Variants in STK32B observed in about 807,000 individuals in gnomAD.
The protein encoded by STK32B is serine/threonine-protein kinase 32B.
A neutral mutation model predicts 52.6 loss-of-function variants in STK32B; 43 were observed. The observed-to-expected ratio is 0.82, with a 90% CI of 0.64 to 1.05. STK32B has a LOEUF of 1.05. Among genes scored for constraint, STK32B ranks in the 50% least tolerant of loss-of-function variants. STK32B has a pLI of 0.00. For missense variants in STK32B, 621 were observed against 534.6 expected, an observed-to-expected ratio of 1.16 and a Z score of -1.59; for synonymous variants, 238 against 204.3, an observed-to-expected ratio of 1.17 and a Z score of -1.41.
intron 3 of STK32B, among the ~76,000 whole-genome samples, chr4:5,267,910 T>C (rs548364683): frequency 1.3e-5 from 2 of 152,230 alleles, no homozygotes; most frequent in Admixed American, 1.3e-4. Context: ...TGCCTCTCTT[T>C]GGGGGATAGA....
chr4:5,047,224 AAACT>A (rs1200134641), upstream of STK32B, among the ~76,000 whole-genome samples: 13 of 152,174 alleles, frequency 8.5e-5, no homozygotes, highest in African/African-American at 3.1e-4. Context: ...CATTCTCAGC[AAACT>A]AACACAGAAA....
Position 5,380,301 on chromosome 4 carries a change from C to T in STK32B, c.435-17906C>T, listed in dbSNP as rs1457379189. ...CCCTGATCTATTTAATCCAGGCCCT[C>T]GCTTCCCTCCCAGCCCTCCTCCCGA... On this transcript the variant is annotated intron_variant, in intron 4 of 11. Coordinates refer to ENST00000282908, the MANE Select transcript of STK32B (RefSeq NM_018401.3). The surrounding 1 kb of genome is among the most constrained non-coding windows in gnomAD (Gnocchi z 4.3). 4.6e-5 allele frequency among the ~76,000 whole-genome samples: 7 copies of T among 152,148 alleles called. No homozygotes were observed. Among genetic ancestry groups the T allele is most frequent in the Non-Finnish European group, 2.9e-5 (2 of 68,036 alleles).
chr4:5,285,614 C>A (rs971508356), intron 3 of STK32B, among the ~76,000 whole-genome samples: 39 of 152,136 alleles, frequency 2.6e-4, no homozygotes, highest in African/African-American at 9.2e-4. Context: ...CTTGTATGCT[C>A]CTCACATAAA....
intron 1 of STK32B, among the ~76,000 whole-genome samples, chr4:5,054,554 A>G (rs10937617): frequency 0.25 from 37,885 of 151,178 alleles, 5,022 homozygotes; most frequent in East Asian, 0.49. Flanking sequence ...ATTGTGGAGT[A>G]TGAAGCTGAA....
In STK32B at chr4:5,456,890, G is replaced by A. The variant is rs775736346; in HGVS notation, c.750G>A (p.Thr250=). 2.6e-5 allele frequency: 42 copies of A among 1,589,230 alleles called. No homozygotes were observed. In the Middle Eastern group the frequency reaches 2.5e-3, roughly 95 times the overall value. ...FKVERVHYSS[T]WCKGMVALLR... Reference sequence around the variant, plus strand: ...TGGAGCGTGTCCACTACTCCTCCACGTGGTGCAAGGGGATGGTGGCCCTGC... The same window carrying A: ...TGGAGCGTGTCCACTACTCCTCCACATGGTGCAAGGGGATGGTGGCCCTGC... Residue 250 remains threonine (T), a synonymous_variant, in exon 8 of 12, where the codon ACG becomes ACA. Transcript: ENST00000282908.
the STK32B span, among the ~76,000 whole-genome samples, chr4:5,040,541 G>C: frequency 6.6e-6 from 1 of 152,022 alleles, no homozygotes; most frequent in Non-Finnish European, 1.5e-5. Context: ...TTACAGATGA[G>C]TGCCACCATG....
At chr4:5,282,171 A>G (rs1018806570) in intron 3 of STK32B, among the ~76,000 whole-genome samples, 2 of 152,178 alleles carry the variant, frequency 1.3e-5, no homozygotes, top group African/African-American at 4.8e-5. Flanking sequence ...GATGCATTCC[A>G]AAACCCCTAG....
intron 4 of STK32B, among the ~76,000 whole-genome samples, chr4:5,355,752 G>A (rs551626759): frequency 2.8e-4 from 43 of 152,090 alleles, no homozygotes; most frequent in Non-Finnish European, 5.0e-4. Context: ...ATCACCCCTG[G>A]AGGAGAATCA....
At chr4:5,485,371 T>C (rs548347532) in intron 11 of STK32B, among the ~76,000 whole-genome samples, 1 of 152,204 alleles carries the variant, frequency 6.6e-6, no homozygotes, top group Non-Finnish European at 1.5e-5. Context: ...TTCTTCCAGT[T>C]GATCGAATCG....
chr4:5,108,732 G>C, intron 1 of STK32B, among the ~76,000 whole-genome samples: 1 of 152,146 alleles, frequency 6.6e-6, no homozygotes. Context: ...CATTCCACCT[G>C]TCTTAGACTT....
chr4:5,259,788 G>A (rs780390809), intron 3 of STK32B, among the ~76,000 whole-genome samples: 30 of 152,060 alleles, frequency 2.0e-4, no homozygotes, highest in Non-Finnish European at 2.9e-4. Context: ...GGAGACAGAC[G>A]CACCAGACTA....
intron 1 of STK32B, among the ~76,000 whole-genome samples, chr4:5,132,783 C>A (rs555085088): frequency 3.3e-5 from 5 of 151,892 alleles, no homozygotes; most frequent in African/African-American, 1.2e-4. Flanking sequence ...TACTTTCATT[C>A]ATAGAATTTA....
intron 1 of STK32B, among the ~76,000 whole-genome samples, chr4:5,107,184 C>A (rs1007643250): frequency 2.6e-5 from 4 of 151,962 alleles, no homozygotes; most frequent in Non-Finnish European, 5.9e-5. Context: ...ATGCAAGAGA[C>A]CTAGGTTGCA....
At chr4:5,278,082 G>C (rs1006407140) in intron 3 of STK32B, among the ~76,000 whole-genome samples, 1 of 152,220 alleles carries the variant, frequency 6.6e-6, no homozygotes, top group Non-Finnish European at 1.5e-5. Flanking sequence ...GGTGACTCAG[G>C]TGACTAATGA....
intron 2 of STK32B, among the ~76,000 whole-genome samples, chr4:5,140,500 T>C (rs112950545): frequency 4.3e-4 from 66 of 152,336 alleles, no homozygotes; most frequent in African/African-American, 1.5e-3. Flanking sequence ...TATTCTGTTA[T>C]GTTTTTTTCA....
intron 1 of STK32B, among the ~76,000 whole-genome samples, chr4:5,052,551 G>A (rs144121039): frequency 1.3e-5 from 2 of 152,258 alleles, no homozygotes; most frequent in African/African-American, 4.8e-5. Flanking sequence ...CAGGTCGATA[G>A]AGCTCCCTAT....
At chr4:5,160,619 G>C (rs919529615) in intron 2 of STK32B, among the ~76,000 whole-genome samples, 7 of 152,130 alleles carry the variant, frequency 4.6e-5, no homozygotes, top group Admixed American at 4.6e-4. Context: ...CACCTCTCCC[G>C]TGTGTTTTCT....
chr4:5,496,351 C>G (rs187597104), intron 11 of STK32B, among the ~76,000 whole-genome samples: 10 of 152,144 alleles, frequency 6.6e-5, no homozygotes, highest in Admixed American at 2.0e-4. Flanking sequence ...TAGCAATCAG[C>G]GAGACTCCGT....
At chr4:5,144,731 G>C (rs1311848485) in intron 2 of STK32B, among the ~76,000 whole-genome samples, 1 of 152,068 alleles carries the variant, frequency 6.6e-6, no homozygotes, top group Admixed American at 6.6e-5. Context: ...AGTTTGTGTG[G>C]AGTTTATATA....
Sources: gnomAD v4.1 joint callset for allele counts (sites outside exome capture counted in the v4.1 genomes callset) on GRCh38, gnomAD v4.1.1 for gene constraint, Gnocchi (gnomAD v3.1) non-coding constraint, MANE v1.5 for transcripts, NCBI Gene and HGNC (gene_info 2026-07-23, HGNC 2026-07-21) for gene names.